KCNJ6: variants seen among roughly 807,000 people sequenced by gnomAD.
KCNJ6 encodes the protein potassium inwardly rectifying channel subfamily J member 6.
In KCNJ6, 9 loss-of-function variants were observed where a neutral mutation model predicts 34.2. The observed-to-expected ratio is 0.26, with a 90% CI of 0.16 to 0.46. The LOEUF (loss-of-function observed/expected upper bound fraction) is 0.46, where lower values mean the gene tolerates loss of function less well. Ranked by LOEUF, KCNJ6 falls within the 20% of genes least tolerant of loss-of-function variation. The pLI is 1.00. For missense variants in KCNJ6, 236 were observed against 531.3 expected (o/e 0.44, Z 5.46); for synonymous variants, 196 against 207.1 (o/e 0.95, Z 0.46).
At chr21:37,903,618 T>C (rs1472840533) in intron 1 of KCNJ6, among the ~76,000 whole-genome samples, 2 of 152,206 alleles carry the variant, frequency 1.3e-5, no homozygotes, top group Admixed American at 1.3e-4. Flanking sequence ...TGAAATGACA[T>C]GGGAAGAAGC....
chr21:37,847,245 A>C lies in KCNJ6; in HGVS notation c.-27-6536T>G, dbSNP rs2073418731. On this transcript the variant is annotated intron_variant, in intron 1 of 3. Transcript: ENST00000609713. ...CATTAGTACATTAGACTATCTCCTT[A>C]ATTCTCACAAGGACCCTGTGAAATG... 5.3e-5 allele frequency among the ~76,000 whole-genome samples: 8 copies of C among 152,290 alleles called. 1 individual carries two copies. The South Asian group carries it at 1.5e-3, about 28-fold the overall frequency.
At chr21:37,755,340 T>C (rs857991) in intron 2 of KCNJ6, among the ~76,000 whole-genome samples, 148,715 of 152,330 alleles carry the variant, frequency 0.98, 72,630 homozygotes, top group East Asian at 1. Flanking sequence ...TGCAAAAGCT[T>C]TCAAAGAAGG....
chr21:37,891,250 C>T (rs1601519316), intron 1 of KCNJ6, among the ~76,000 whole-genome samples: 1 of 139,046 alleles, frequency 7.2e-6, no homozygotes, highest in African/African-American at 3.0e-5. Context: ...CACACACAGA[C>T]ACACACAGGC....
chr21:37,774,228 C>A (rs1568843719), intron 2 of KCNJ6, among the ~76,000 whole-genome samples: 1 of 152,116 alleles, frequency 6.6e-6, no homozygotes, highest in Non-Finnish European at 1.5e-5. Flanking sequence ...GTTTCCTCAG[C>A]TGTAAAATAA....
At chr21:37,625,606 A>T (rs2054307377) in intron 3 of KCNJ6, 122 bp from the exon 4 acceptor site, 1 of 654,116 alleles carries the variant, frequency 1.5e-6, no homozygotes, top group Non-Finnish European at 2.6e-6. Context: ...ATACGATGCC[A>T]CACTTAGTAG....
chr21:37,668,474 G>A (rs1008543), intron 3 of KCNJ6, among the ~76,000 whole-genome samples: 72,604 of 151,582 alleles, frequency 0.48, 18,163 homozygotes, highest in African/African-American at 0.64. Context: ...AAGGACACCA[G>A]TTAGGTTGGA....
At position 37,850,247 on chromosome 21, in the gene KCNJ6, GCCCC is replaced by G. The variant is rs544080752; in HGVS notation, c.-27-9542_-27-9539del. On this transcript the variant is annotated intron_variant, in intron 1 of 3. Transcript: ENST00000609713. ...ACTGATGATAGGGGCAGGATGGCAG[GCCCC>G]AAGGTAAGGCTGGTTAGTTACTCTG... Among the ~76,000 whole-genome samples, 584 of 152,200 alleles carry G rather than the reference GCCCC, an allele frequency of 3.8e-3. 6 individuals are homozygous for G. Among genetic ancestry groups the G allele is most frequent in the African/African-American group, 0.013 (556 of 41,534 alleles).
chr21:37,894,819 C>A (rs2055780154), intron 1 of KCNJ6, among the ~76,000 whole-genome samples: 1 of 152,164 alleles, frequency 6.6e-6, no homozygotes, highest in Non-Finnish European at 1.5e-5. Context: ...ATGATACAAG[C>A]ATTTTCTTCA....
intron 2 of KCNJ6, among the ~76,000 whole-genome samples, chr21:37,741,689 A>G (rs1337811494): frequency 5.3e-5 from 8 of 152,000 alleles, no homozygotes; most frequent in African/African-American, 1.9e-4. Flanking sequence ...GACCTTTTCC[A>G]TGTGGCCCCT....
At chr21:37,877,023 T>A (rs535549161) in intron 1 of KCNJ6, among the ~76,000 whole-genome samples, 3 of 152,320 alleles carry the variant, frequency 2.0e-5, no homozygotes, top group African/African-American at 7.2e-5. Context: ...ATGAGTCATG[T>A]TCCAAAGTGC....
intron 2 of KCNJ6, among the ~76,000 whole-genome samples, chr21:37,722,199 T>C (rs1169413303): frequency 6.6e-6 from 1 of 152,116 alleles, no homozygotes; most frequent in Non-Finnish European, 1.5e-5. Flanking sequence ...CCACTTATCA[T>C]AGCCACACAA....
intron 3 of KCNJ6, among the ~76,000 whole-genome samples, chr21:37,637,162 G>C (rs144664396): frequency 1.2e-4 from 19 of 152,312 alleles, no homozygotes; most frequent in African/African-American, 4.3e-4. Flanking sequence ...GAATGATGTT[G>C]GTGATTAACC....
At chr21:37,863,846 G>GTTTTTGTTTTTTT (rs2055606792) in intron 1 of KCNJ6, among the ~76,000 whole-genome samples, 1 of 97,042 alleles carries the variant, frequency 1.0e-5, no homozygotes, top group African/African-American at 4.3e-5. Context: ...AAATATAAAG[G>GTTTTTGTTTTTTT]TTTTTTTTTT....
chr21:37,814,210 C>A (rs2055335432), intron 2 of KCNJ6, among the ~76,000 whole-genome samples: 1 of 152,172 alleles, frequency 6.6e-6, no homozygotes, highest in Non-Finnish European at 1.5e-5. Flanking sequence ...AATGAGATAT[C>A]ATTTCACCCC....
chr21:37,844,328 G>T lies in KCNJ6; in HGVS notation c.-27-3619C>A, dbSNP rs1014281223. On this transcript the variant is annotated intron_variant, in intron 1 of 3. Transcript: ENST00000609713. ...CCACCTTATCCTCCCAAAATGCTGG[G>T]ATTACAGGCTGAGCCACCGTGCCCG... 4.6e-5 allele frequency among the ~76,000 whole-genome samples: 7 copies of T among 152,076 alleles called. 1 individual carries two copies. Among genetic ancestry groups the T allele is most frequent in the Non-Finnish European group, 7.4e-5 (5 of 68,024 alleles).
At chr21:37,784,529 A>G (rs1672477757) in intron 2 of KCNJ6, among the ~76,000 whole-genome samples, 1 of 152,158 alleles carries the variant, frequency 6.6e-6, no homozygotes, top group African/African-American at 2.4e-5. Context: ...TGTTATAGGT[A>G]TTTGATTTCA....
In KCNJ6 at chr21:37,714,680, G is replaced by A; in HGVS notation, c.477C>T (p.Val159=). The change falls in exon 3 of 4, where the codon GTC becomes GTT. Residue 159 remains valine (V), a synonymous_variant. Transcript: ENST00000609713. This position sits in a 1 kb window ranked among gnomAD's most constrained non-coding sequence, Gnocchi z 5.9. ...TETTIGYGYR[V]ITDKCPEGII... is the part of the protein sequence containing the mutation. ...TTCCCTCTGGGCATTTATCTGTGAT[G>A]ACCCGGTAGCCATAACCAATGGTGG... 6.2e-7 allele frequency: 1 copy of A among 1,614,008 alleles called. No individual in the cohort carries two copies. Among genetic ancestry groups the A allele is most frequent in the Non-Finnish European group, 8.5e-7 (1 of 1,179,922 alleles).
chr21:37,681,606 T>G (rs2054590992), intron 3 of KCNJ6, among the ~76,000 whole-genome samples: 1 of 152,238 alleles, frequency 6.6e-6, no homozygotes, highest in South Asian at 2.1e-4. Context: ...GGGAGTTGCT[T>G]CTTAGAAATT....
intron 2 of KCNJ6, among the ~76,000 whole-genome samples, chr21:37,731,973 C>T (rs77789475): frequency 0.074 from 11,192 of 152,168 alleles, 441 homozygotes; most frequent in African/African-American, 0.093. Context: ...GATGGAAGTT[C>T]GACTGCAGGG....
Sources: allele counts gnomAD v4.1 joint callset (sites outside exome capture counted in the v4.1 genomes callset), GRCh38; gene constraint gnomAD v4.1.1; non-coding constraint Gnocchi (gnomAD v3.1); transcripts MANE v1.5; gene names NCBI Gene and HGNC (gene_info 2026-07-23, HGNC 2026-07-21).